LMX1A: variants seen among roughly 807,000 people sequenced by gnomAD.
LMX1A encodes LIM homeobox transcription factor 1-alpha.
A neutral mutation model predicts 49.1 loss-of-function variants in LMX1A; 15 were observed. The ratio of observed to expected loss-of-function variants is 0.31; its 90% CI spans 0.20 to 0.47. The LOEUF (loss-of-function observed/expected upper bound fraction) is 0.47. Among genes scored for constraint, LMX1A ranks in the 20% least tolerant of loss-of-function variants. LMX1A has a pLI of 1.00. For missense variants in LMX1A, 372 were observed against 475.8 expected (o/e 0.78, Z 2.03); for synonymous variants, 167 against 185.7 (o/e 0.90, Z 0.82).
At chr1:165,309,177 G>C (rs547199333) in intron 3 of LMX1A, among the ~76,000 whole-genome samples, 1 of 151,352 alleles carries the variant, frequency 6.6e-6, no homozygotes, top group South Asian at 2.1e-4. Flanking sequence ...CTGAGGGCTC[G>C]CTCCTGGATG....
intron 3 of LMX1A, among the ~76,000 whole-genome samples, chr1:165,324,337 G>A (rs1206026856): frequency 6.6e-6 from 1 of 152,102 alleles, no homozygotes; most frequent in East Asian, 1.9e-4. Context: ...CCCTGATGAG[G>A]GGCTCAGTCC....
intron 3 of LMX1A, among the ~76,000 whole-genome samples, chr1:165,270,925 C>G (rs1211021834): frequency 6.6e-6 from 1 of 152,228 alleles, no homozygotes; most frequent in Non-Finnish European, 1.5e-5. Flanking sequence ...ACAATTTCCT[C>G]TTCCAACAGT....
chr1:165,309,948 C>A (rs1001514185), intron 3 of LMX1A, among the ~76,000 whole-genome samples: 16 of 152,236 alleles, frequency 1.1e-4, no homozygotes, highest in African/African-American at 1.7e-4. Flanking sequence ...ATATTCCCAA[C>A]AATCTTATGG....
At chr1:165,215,931 T>C (rs1557851449) in intron 4 of LMX1A, 3 of 152,200 alleles carry the variant, frequency 2.0e-5, no homozygotes, top group African/African-American at 4.8e-5. Flanking sequence ...TTGTTGTGTG[T>C]AAAGCAACTA....
intron 3 of LMX1A, among the ~76,000 whole-genome samples, chr1:165,292,016 C>T (rs1654483964): frequency 7.1e-6 from 1 of 140,302 alleles, no homozygotes; most frequent in Non-Finnish European, 1.5e-5. Flanking sequence ...GAGTCGAGAT[C>T]GCGCCACTGC....
chr1:165,219,105 C>T (rs1651744429), intron 4 of LMX1A: 2 of 152,138 alleles, frequency 1.3e-5, no homozygotes, highest in Admixed American at 1.3e-4. Flanking sequence ...TGGAATGGTT[C>T]AGGGCTGTTT....
At chr1:165,269,150 G>A (rs1456341106) in intron 3 of LMX1A, among the ~76,000 whole-genome samples, 2 of 152,206 alleles carry the variant, frequency 1.3e-5, no homozygotes, top group Non-Finnish European at 1.5e-5. Context: ...AAGAGGGTGA[G>A]ATAACGAGCT....
At chr1:165,216,469 T>G (rs1217075930) in intron 4 of LMX1A, among the ~76,000 whole-genome samples, 1 of 152,150 alleles carries the variant, frequency 6.6e-6, no homozygotes, top group African/African-American at 2.4e-5. Context: ...TCTGAGGAAA[T>G]GGAGCTAATG....
intron 4 of LMX1A, among the ~76,000 whole-genome samples, chr1:165,233,281 C>G (rs772667166): frequency 4.6e-5 from 7 of 150,668 alleles, no homozygotes; most frequent in Non-Finnish European, 1.0e-4. Flanking sequence ...ACAGGGAGAC[C>G]CAGTATCTAC....
intron 4 of LMX1A, among the ~76,000 whole-genome samples, chr1:165,245,185 A>T (rs1652798209): frequency 6.6e-6 from 1 of 152,078 alleles, no homozygotes; most frequent in Non-Finnish European, 1.5e-5. Context: ...GGTACAAGTG[A>T]TCTGATCACC....
chr1:165,341,897 A>C (rs1476575261), intron 3 of LMX1A, among the ~76,000 whole-genome samples: 1 of 152,168 alleles, frequency 6.6e-6, no homozygotes, highest in Non-Finnish European at 1.5e-5. Flanking sequence ...TAATGAACCA[A>C]CTGTTTATAA....
At chr1:165,341,573 G>C (rs1656077060) in intron 3 of LMX1A, among the ~76,000 whole-genome samples, 1 of 133,938 alleles carries the variant, frequency 7.5e-6, no homozygotes, top group Admixed American at 8.4e-5. Flanking sequence ...TAGTGACATA[G>C]ACAGACAATA....
At chr1:165,239,585 T>G (rs1490944846) in intron 4 of LMX1A, among the ~76,000 whole-genome samples, 1 of 152,182 alleles carries the variant, frequency 6.6e-6, no homozygotes, top group African/African-American at 2.4e-5. Context: ...GGTAGTGAAT[T>G]TTATGGTAGT....
At chr1:165,268,301 T>C (rs973349082) in intron 3 of LMX1A, among the ~76,000 whole-genome samples, 2 of 152,216 alleles carry the variant, frequency 1.3e-5, no homozygotes, top group East Asian at 3.8e-4. Context: ...AGCATTCATA[T>C]TTGACTGTGT....
At chr1:165,254,236 C>G (rs1467074795) in intron 3 of LMX1A, among the ~76,000 whole-genome samples, 1 of 152,096 alleles carries the variant, frequency 6.6e-6, no homozygotes, top group African/African-American at 2.4e-5. Flanking sequence ...AATTTCATCC[C>G]CCACTCCAAA....
intron 3 of LMX1A, among the ~76,000 whole-genome samples, chr1:165,326,402 C>A (rs1387434124): frequency 6.6e-6 from 1 of 152,206 alleles, no homozygotes; most frequent in Non-Finnish European, 1.5e-5. Flanking sequence ...AGACTCCCCA[C>A]AAATGTGTTC....
chr1:165,221,395 C>T (rs991768192), intron 4 of LMX1A, among the ~76,000 whole-genome samples: 7 of 152,084 alleles, frequency 4.6e-5, no homozygotes, highest in Non-Finnish European at 7.4e-5. Context: ...CGTCTCCCCC[C>T]AACTCCCCCC....
intron 4 of LMX1A, among the ~76,000 whole-genome samples, chr1:165,246,645 G>A (rs1402754204): frequency 6.6e-6 from 1 of 152,176 alleles, no homozygotes; most frequent in Admixed American, 6.5e-5. Flanking sequence ...ATAATTAAAT[G>A]AATGAATTCT....
chr1:165,303,148 T>C (rs1276484082), intron 3 of LMX1A, among the ~76,000 whole-genome samples: 1 of 152,236 alleles, frequency 6.6e-6, no homozygotes, highest in South Asian at 2.1e-4. Context: ...ATAATTTTCA[T>C]GCATCTTGGT....
Sources: allele counts gnomAD v4.1 joint callset (sites outside exome capture counted in the v4.1 genomes callset), GRCh38; gene constraint gnomAD v4.1.1; transcripts MANE v1.5; gene names NCBI Gene and HGNC (gene_info 2026-07-23, HGNC 2026-07-21).